DAB1: variants seen among roughly 807,000 people sequenced by gnomAD.
DAB1 encodes the protein disabled homolog 1.
DAB1 carries 15 observed loss-of-function variants against 64.6 expected under a neutral mutation model. The observed-to-expected ratio is 0.23, with a 90% CI of 0.16 to 0.36. The LOEUF (loss-of-function observed/expected upper bound fraction) is 0.36, where lower values mean the gene tolerates loss of function less well. Among genes scored for constraint, DAB1 ranks in the 10% least tolerant of loss-of-function variants. DAB1 has a pLI of 1.00. For missense variants in DAB1, 596 were observed against 706.7 expected (o/e 0.84, Z 1.78); for synonymous variants, 235 against 251.9 (o/e 0.93, Z 0.64).
chr1:57,916,407 C>G (rs1644727654), intron 5 of DAB1, among the ~76,000 whole-genome samples: 1 of 152,158 alleles, frequency 6.6e-6, no homozygotes, highest in East Asian at 1.9e-4. Context: ...GTTCAAAAAC[C>G]AAGAGCAACA....
intron 4 of DAB1, among the ~76,000 whole-genome samples, chr1:57,117,293 T>C (rs1218203336): frequency 6.6e-6 from 1 of 152,226 alleles, no homozygotes; most frequent in African/African-American, 2.4e-5. Context: ...CTGACTAATA[T>C]TTGCAGATGG....
At chr1:57,623,428 C>T (rs888123916) in intron 7 of DAB1, among the ~76,000 whole-genome samples, 8 of 152,162 alleles carry the variant, frequency 5.3e-5, no homozygotes, top group Non-Finnish European at 1.0e-4. Context: ...TCACCTTCAA[C>T]GGCAATTAAT....
At chr1:58,444,815 C>A (rs1645048212) in intron 3 of DAB1, among the ~76,000 whole-genome samples, 1 of 151,878 alleles carries the variant, frequency 6.6e-6, no homozygotes, top group Non-Finnish European at 1.5e-5. Flanking sequence ...GGCTAGAAGC[C>A]CTTTGTTTAT....
chr1:57,380,262 T>C (rs1681259033), intron 1 of DAB1, among the ~76,000 whole-genome samples: 1 of 152,132 alleles, frequency 6.6e-6, no homozygotes, highest in Admixed American at 6.5e-5. Context: ...TAAACTAGGC[T>C]CTCTATTTCC....
intron 4 of DAB1, among the ~76,000 whole-genome samples, chr1:57,124,325 C>T (rs553194526): frequency 5.3e-5 from 8 of 152,124 alleles, no homozygotes; most frequent in East Asian, 1.9e-4. Flanking sequence ...AAAGAGTATG[C>T]GTGTCTATTC....
chr1:57,900,554 G>A (rs1460594423), intron 5 of DAB1, among the ~76,000 whole-genome samples: 2 of 152,136 alleles, frequency 1.3e-5, no homozygotes, highest in Non-Finnish European at 2.9e-5. Context: ...GAGACTATAG[G>A]GGTCATTCTA....
chr1:58,384,778 C>T (rs1034693731), intron 3 of DAB1, among the ~76,000 whole-genome samples: 4 of 147,230 alleles, frequency 2.7e-5, no homozygotes, highest in East Asian at 2.0e-4. Flanking sequence ...TGAATAACTT[C>T]GAGTCTGATG....
upstream of DAB1, among the ~76,000 whole-genome samples, chr1:57,427,534 A>G (rs1685335994): frequency 6.6e-6 from 1 of 152,158 alleles, no homozygotes; most frequent in South Asian, 2.1e-4. Flanking sequence ...CAGAAATCGT[A>G]AGTCCTACTA....
intron 1 of DAB1, among the ~76,000 whole-genome samples, chr1:57,408,171 G>A (rs1683808143): frequency 6.6e-6 from 1 of 152,166 alleles, no homozygotes; most frequent in Non-Finnish European, 1.5e-5. Flanking sequence ...GCTGAGACCT[G>A]CAAGCTAGCA....
At chr1:58,142,828 G>A (rs993000528) in intron 5 of DAB1, among the ~76,000 whole-genome samples, 8 of 152,190 alleles carry the variant, frequency 5.3e-5, no homozygotes, top group African/African-American at 1.9e-4. Context: ...TGCAGCCAGA[G>A]CCTTTTCTTT....
intron 2 of DAB1, among the ~76,000 whole-genome samples, chr1:57,222,376 T>C (rs1296080595): frequency 2.0e-5 from 3 of 152,150 alleles, no homozygotes; most frequent in Non-Finnish European, 1.5e-5. Flanking sequence ...AGTGTTGTTA[T>C]AGAGGAAACA....
chr1:57,858,203 T>G (rs1360044829), intron 1 of DAB1, among the ~76,000 whole-genome samples: 2 of 152,242 alleles, frequency 1.3e-5, no homozygotes, highest in African/African-American at 2.4e-5. Context: ...GAAGGGTATT[T>G]TTTTTAGAAT....
intron 5 of DAB1, among the ~76,000 whole-genome samples, chr1:58,038,359 A>G (rs982911122): frequency 6.6e-6 from 1 of 152,166 alleles, no homozygotes; most frequent in East Asian, 1.9e-4. Context: ...ATTGGCAACT[A>G]AACAGCCTCC....
At chr1:57,728,510 C>T (rs1192781540) in intron 6 of DAB1, among the ~76,000 whole-genome samples, 1 of 151,862 alleles carries the variant, frequency 6.6e-6, no homozygotes, top group Non-Finnish European at 1.5e-5. Flanking sequence ...AGGAGAATGG[C>T]GTGAACCCGG....
intron 1 of DAB1, among the ~76,000 whole-genome samples, chr1:57,327,390 C>T (rs543978452): frequency 5.9e-5 from 9 of 152,238 alleles, no homozygotes; most frequent in South Asian, 2.1e-4. Flanking sequence ...CACACACCAC[C>T]GTTCTGCAGC....
intron 7 of DAB1, among the ~76,000 whole-genome samples, chr1:57,501,415 T>C (rs1045578657): frequency 6.6e-6 from 1 of 152,110 alleles, no homozygotes; most frequent in African/African-American, 2.4e-5. Context: ...CCAGGTTAAG[T>C]CAGGAGAACC....
intron 3 of DAB1, among the ~76,000 whole-genome samples, chr1:58,488,186 C>T (rs1645610071): frequency 6.6e-6 from 1 of 152,004 alleles, no homozygotes; most frequent in Non-Finnish European, 1.5e-5. Context: ...ACAAGCCATC[C>T]TCTTATTGTT....
In DAB1 at chr1:57,819,201, G is replaced by A. The variant is rs550231754; in HGVS notation, n.551+64798C>T. 3.9e-5 allele frequency among the ~76,000 whole-genome samples: 6 copies of A among 152,344 alleles called. No homozygotes were observed. The East Asian group carries it at 1.2e-3, about 29-fold the overall frequency. ...CAACATATCCCCAGCCGCAGTTTGT[G>A]TAGAAAGATTTTATTTCAAGGCGCA... On this transcript the variant is annotated intron_variant and non_coding_transcript_variant, in intron 6 of 20. Coordinates refer to the DAB1 transcript ENST00000485760.
At chr1:57,026,140 T>G (rs563743059) in intron 9 of DAB1, 97 bp from the exon 10 acceptor site, 2 of 879,904 alleles carry the variant, frequency 2.3e-6, no homozygotes, top group African/African-American at 3.5e-5. Context: ...CACATTTCTG[T>G]TTTTCATCAT....
Sources: gnomAD v4.1 joint callset for allele counts (sites outside exome capture counted in the v4.1 genomes callset) on GRCh38, gnomAD v4.1.1 for gene constraint, MANE v1.5 for transcripts, NCBI Gene and HGNC (gene_info 2026-07-23, HGNC 2026-07-21) for gene names.